PKN2: variants seen among roughly 807,000 people sequenced by gnomAD.
The protein encoded by PKN2 is serine/threonine-protein kinase N2.
Under a neutral mutation model 119.1 loss-of-function variants are expected in PKN2, and 38 were observed. The observed-to-expected ratio is 0.32, with a 90% CI of 0.25 to 0.42. The LOEUF is 0.42. Ranked by LOEUF, PKN2 falls within the 10% of genes least tolerant of loss-of-function variation. The pLI, the probability that PKN2 is intolerant of heterozygous loss-of-function variation, is 1.00. For synonymous variants in PKN2, 390 were observed against 384.9 expected (o/e 1.01, Z -0.15); for missense variants, 850 against 1,165.1 (o/e 0.73, Z 3.94).
chr1:88,715,810 C>A (rs2100694926), intron 1 of PKN2, among the ~76,000 whole-genome samples: 1 of 152,236 alleles, frequency 6.6e-6, no homozygotes, highest in South Asian at 2.1e-4. Flanking sequence ...CTGCTCTGAT[C>A]TTAGTTATTT....
intron 1 of PKN2, among the ~76,000 whole-genome samples, chr1:88,736,507 G>A (rs931781108): frequency 6.6e-6 from 1 of 152,082 alleles, no homozygotes; most frequent in Non-Finnish European, 1.5e-5. Flanking sequence ...GAGATTACAG[G>A]CATGTACTTC....
At chr1:88,741,321 T>C (rs1308455788) in intron 2 of PKN2, 33 bp downstream of exon 2, 8 of 1,279,620 alleles carry the variant, frequency 6.3e-6, no homozygotes, top group Non-Finnish European at 8.3e-6. Context: ...GTTTATATGG[T>C]ATATTAATAA....
At chr1:88,713,402 A>T (rs2100690177) in intron 1 of PKN2, among the ~76,000 whole-genome samples, 1 of 152,272 alleles carries the variant, frequency 6.6e-6, no homozygotes, top group South Asian at 2.1e-4. Context: ...AACAGTGTAA[A>T]AGTGTTCCTA....
At chr1:88,699,980 A>G (rs897419869) in intron 1 of PKN2, among the ~76,000 whole-genome samples, 6 of 151,868 alleles carry the variant, frequency 4.0e-5, no homozygotes, top group African/African-American at 1.5e-4. Context: ...ACAGGGTTTC[A>G]CTGTTTTGGC....
At chr1:88,697,519 A>T (rs1666589572) in intron 1 of PKN2, among the ~76,000 whole-genome samples, 1 of 152,030 alleles carries the variant, frequency 6.6e-6, no homozygotes, top group African/African-American at 2.4e-5. Flanking sequence ...TATCATTTGG[A>T]TGATTATAAT....
At chr1:88,709,059 AT>A (rs112316650) in intron 1 of PKN2, among the ~76,000 whole-genome samples, 81 of 145,692 alleles carry the variant, frequency 5.6e-4, no homozygotes, top group Admixed American at 5.5e-4. Context: ...ATAATAATCA[AT>A]TTTTTTTTTT....
chr1:88,731,714 T>C (rs1465674000), intron 1 of PKN2, among the ~76,000 whole-genome samples: 1 of 152,230 alleles, frequency 6.6e-6, no homozygotes, highest in Non-Finnish European at 1.5e-5. Flanking sequence ...GACTGTTTTA[T>C]ATTTCTGAAA....
chr1:88,807,768 G>A lies in PKN2; in HGVS notation c.2095G>A (p.Val699Ile), dbSNP rs371052905. 2.1e-5 allele frequency: 33 copies of A among 1,557,248 alleles called. No individual in the cohort carries two copies. The African/African-American group carries it at 4.0e-4, about 19-fold the overall frequency. The part of the protein sequence containing the change: ...KKGDIVARDE[V>I]DSLMCEKRIF... Reference sequence around the variant, plus strand: ...AGGAGATATTGTGGCTCGAGATGAAGTAGACAGGTTAGTTTTTAAAAATGA... The same window carrying A: ...AGGAGATATTGTGGCTCGAGATGAAATAGACAGGTTAGTTTTTAAAAATGA... Residue 699 changes from valine to isoleucine, a missense_variant, in exon 15 of 22, where the codon GTA (valine) becomes ATA (isoleucine). Around this residue, in one of 9 missense-constraint regions of PKN2, gnomAD observed 216 missense variants for 252.8 expected, o/e 0.85. Coordinates refer to ENST00000370521, the MANE Select transcript of PKN2 (RefSeq NM_006256.4).
chr1:88,804,092 C>T (rs781698170), intron 8 of PKN2, among the ~76,000 whole-genome samples: 3 of 152,030 alleles, frequency 2.0e-5, no homozygotes, highest in African/African-American at 4.8e-5. Context: ...GAAGGAGTTT[C>T]GGTGGTTATT....
At chr1:88,708,858 T>C (rs1667109193) in intron 1 of PKN2, among the ~76,000 whole-genome samples, 1 of 151,994 alleles carries the variant, frequency 6.6e-6, no homozygotes, top group African/African-American at 2.4e-5. Context: ...GGCAGATAAT[T>C]TTACTTGTTC....
intron 1 of PKN2, among the ~76,000 whole-genome samples, chr1:88,721,340 G>T (rs1481517146): frequency 6.6e-6 from 1 of 152,008 alleles, no homozygotes; most frequent in Non-Finnish European, 1.5e-5. Flanking sequence ...CCTTGTGTAA[G>T]GTGGTATCGC....
intron 1 of PKN2, among the ~76,000 whole-genome samples, chr1:88,707,361 T>C (rs1311742441): frequency 6.6e-6 from 1 of 152,126 alleles, no homozygotes; most frequent in Non-Finnish European, 1.5e-5. Flanking sequence ...TTCTTTTCCA[T>C]ATTTATTCAA....
At chr1:88,708,617 CTTTTTTTT>C (rs769170898) in intron 1 of PKN2, among the ~76,000 whole-genome samples, 3 of 118,484 alleles carry the variant, frequency 2.5e-5, no homozygotes, top group Non-Finnish European at 5.3e-5. Context: ...ACACATAAAA[CTTTTTTTT>C]TTTTTTTTTT....
rs745457416 is a variant in PKN2 at position 88,741,302 on chromosome 1, T to G, written c.349+14T>G. 2.5e-5 allele frequency: 37 copies of G among 1,467,440 alleles called. No individual in the cohort carries two copies. Among genetic ancestry groups the G allele is most frequent in the Non-Finnish European group, 3.4e-5 (37 of 1,095,492 alleles). The allele number at this position is 1,467,440 out of a possible 1,614,324, so 90.9% of individuals were successfully genotyped here. ...AAGATATTACAGGTATAGTAGTGCTTTATTTGATGTTTATATGGTATATTA... is the reference window on the plus strand; with the variant it reads ...AAGATATTACAGGTATAGTAGTGCTGTATTTGATGTTTATATGGTATATTA... On this transcript the variant is annotated intron_variant, in intron 2 of 21. Coordinates refer to ENST00000370521, the MANE Select transcript of PKN2 (RefSeq NM_006256.4).
At chr1:88,833,010 A>G in intron 20 of PKN2, 67 bp from the exon 21 acceptor site, 13 of 1,423,210 alleles carry the variant, frequency 9.1e-6, no homozygotes, top group Non-Finnish European at 1.2e-5. Flanking sequence ...TTTTAAAGTA[A>G]TAATCCTTAT....
intron 12 of PKN2, 192 bp downstream of exon 12, chr1:88,806,209 C>T (rs1029890784): frequency 1.8e-6 from 1 of 560,040 alleles, no homozygotes; most frequent in Non-Finnish European, 3.1e-6. Context: ...GGCTGGAGTG[C>T]AATGGCATGA....
intron 1 of PKN2, among the ~76,000 whole-genome samples, chr1:88,694,485 TTGTC>T (rs1416405736): frequency 3.9e-5 from 6 of 152,214 alleles, no homozygotes; most frequent in Non-Finnish European, 8.8e-5. Flanking sequence ...TAATATCCCA[TTGTC>T]TGTATGTACC....
chr1:88,824,446 G>A lies in PKN2; in HGVS notation c.2419+60G>A, dbSNP rs1374910828. The A allele has an allele frequency of 1.2e-5, 12 of 964,912 alleles. No homozygotes were observed. The East Asian group carries it at 1.9e-4, about 15-fold the overall frequency. The allele number at this position is 964,912 out of a possible 1,614,324, so 59.8% of individuals were successfully genotyped here. On this transcript the variant is annotated intron_variant, in intron 18 of 21. Coordinates refer to ENST00000370521, the MANE Select transcript of PKN2 (RefSeq NM_006256.4). ...AGAATTACTGTTTCTTTGTGCATCA[G>A]TAGTTTTCAAGTTTGTCTATGGAAA...
chr1:88,694,014 C>T (rs945855486), intron 1 of PKN2, among the ~76,000 whole-genome samples: 5 of 152,144 alleles, frequency 3.3e-5, no homozygotes, highest in Admixed American at 2.6e-4. Context: ...ACAGCAAAAT[C>T]GAGAGGAAGG....
Sources: allele counts gnomAD v4.1 joint callset (sites outside exome capture counted in the v4.1 genomes callset), GRCh38; gene constraint gnomAD v4.1.1; regional missense constraint gnomAD v4.1.1; transcripts MANE v1.5; gene names NCBI Gene and HGNC (gene_info 2026-07-23, HGNC 2026-07-21).